The following ZNF316 variants were observed in gnomAD, a reference collection of about 807,000 sequenced individuals.
ZNF316 encodes zinc finger protein 316.
A neutral mutation model predicts 75.6 loss-of-function variants in ZNF316; 23 were observed. The observed-to-expected ratio is 0.30, with a 90% confidence interval of 0.22 to 0.43. The LOEUF (loss-of-function observed/expected upper bound fraction) is 0.43. Ranked by LOEUF, ZNF316 falls within the 20% of genes least tolerant of loss-of-function variation. The pLI, the probability that ZNF316 is intolerant of heterozygous loss-of-function variation, is 1.00. For missense variants in ZNF316, 1,266 were observed against 1,409.4 expected (o/e 0.90, Z 1.63); for synonymous variants, 827 against 666.2 (o/e 1.24, Z -3.72).
At position 6,643,709 on chromosome 7, in the gene ZNF316, C is replaced by A. The variant is rs1282016058; in HGVS notation, c.466-113C>A. 3 of 996,392 alleles carry A rather than the reference C, an allele frequency of 3.0e-6. No homozygotes were observed. In the African/African-American group the frequency reaches 5.1e-5, roughly 17 times the overall value. The allele number at this position is 996,392 out of a possible 1,614,324, so 61.7% of individuals were successfully genotyped here. On this transcript the variant is annotated intron_variant, in intron 6 of 8. Transcript: ENST00000382252. ...AAGGCCTGAAAGCCCTCAGTGCCATCTGGGCATCTGTGTCCCCTGACACCC... is the reference window on the plus strand; with the variant it reads ...AAGGCCTGAAAGCCCTCAGTGCCATATGGGCATCTGTGTCCCCTGACACCC...
chr7:6,657,311 C>CA lies in ZNF316; in HGVS notation c.*2727dup, dbSNP rs33942632. On this transcript the variant is annotated 3_prime_UTR_variant, in exon 9 of 9. Transcript: ENST00000382252. ...GCCCGGCCAGAGCAACCTAATATTT[C>CA]AAAAAAAAAAAAAAAAAAAAAAAAA... Among the ~76,000 whole-genome samples, 1,914 of 65,178 alleles carry CA rather than the reference C, an allele frequency of 0.029. 158 individuals carry two copies. Among genetic ancestry groups the CA allele is most frequent in the Non-Finnish European group, 0.045 (1,610 of 35,888 alleles). 42.8% of individuals were successfully genotyped at this position (65,178 alleles called of 152,430 possible).
chr7:6,646,153 G>T (rs530583105), intron 8 of ZNF316, among the ~76,000 whole-genome samples: 1 of 152,250 alleles, frequency 6.6e-6, no homozygotes, highest in East Asian at 1.9e-4. Context: ...TTTGGGTGGG[G>T]ACACAGAGCT....
Position 6,652,799 on chromosome 7 carries a change from C to A in ZNF316, c.1203C>A (p.Phe401Leu). ...HQRTHTGEKP[F>L]PCPDCGKRFV... ...GCACGCACACCGGCGAGAAGCCCTT[C>A]CCGTGCCCGGACTGCGGCAAGCGCT... The change falls in exon 9 of 9, where the codon TTC (phenylalanine) becomes TTA (leucine). Residue 401 changes from phenylalanine (F) to leucine (L), a missense_variant. Coordinates refer to ENST00000382252, the MANE Select transcript of ZNF316 (RefSeq NM_001278559.2). The A allele has an allele frequency of 4.7e-6, 6 of 1,272,402 alleles. No homozygotes were observed. Among genetic ancestry groups the A allele is most frequent in the Non-Finnish European group, 5.0e-6 (5 of 1,008,722 alleles). 78.8% of individuals were successfully genotyped at this position (1,272,402 alleles called of 1,614,324 possible). A position where few individuals can be genotyped will look rare whatever the true frequency, so the allele number is the denominator to read the frequency against.
intron 6 of ZNF316, among the ~76,000 whole-genome samples, 190 bp downstream of exon 6, chr7:6,643,263 G>T (rs1031190884): frequency 1.3e-5 from 2 of 152,198 alleles, no homozygotes; most frequent in African/African-American, 4.8e-5. Context: ...CGGGGGTGTG[G>T]TCCTGCTTTC....
At chr7:6,650,329 C>G (rs1463112291) in intron 8 of ZNF316, among the ~76,000 whole-genome samples, 1 of 152,134 alleles carries the variant, frequency 6.6e-6, no homozygotes, top group Non-Finnish European at 1.5e-5. Context: ...GGTGGCAGTT[C>G]GAGGTAGACT....
At chr7:6,638,435 C>T (rs957711998) in intron 2 of ZNF316, among the ~76,000 whole-genome samples, 2 of 152,184 alleles carry the variant, frequency 1.3e-5, no homozygotes, top group Non-Finnish European at 2.9e-5. Context: ...GGGGGCTAGA[C>T]ACAAGCACAC....
Position 6,654,783 on chromosome 7 carries a change from C to T in ZNF316, c.*172C>T, listed in dbSNP as rs1779589145. On this transcript the variant is annotated 3_prime_UTR_variant, in exon 9 of 9. Transcript: ENST00000382252. The stretch of plus-strand genomic sequence containing the variant: ...GTCTCATGCCCGCCGGGTCCGTGTG[C>T]TCAGCCGGAGACGTGGGGGAGCTCT... The T allele has an allele frequency of 1.6e-5, 8 of 508,682 alleles. No homozygotes were observed. Among genetic ancestry groups the T allele is most frequent in the Non-Finnish European group, 2.3e-5 (8 of 354,590 alleles). The allele number at this position is 508,682 out of a possible 1,614,324, so 31.5% of individuals were successfully genotyped here. A position where few individuals can be genotyped will look rare whatever the true frequency, so the allele number is the denominator to read the frequency against.
At position 6,654,838 on chromosome 7, in the gene ZNF316, G is replaced by A. The variant is rs1159635514; in HGVS notation, c.*227G>A. ...AGAAGAGCAGCGCGGAGGCAGCGAGGCCAGGACGTCACCCCCACGGAGACT... is the reference window on the plus strand; with the variant it reads ...AGAAGAGCAGCGCGGAGGCAGCGAGACCAGGACGTCACCCCCACGGAGACT... On this transcript the variant is annotated 3_prime_UTR_variant, in exon 9 of 9. Coordinates refer to ENST00000382252, the MANE Select transcript of ZNF316 (RefSeq NM_001278559.2). 1.9e-5 allele frequency: 6 copies of A among 307,966 alleles called. No homozygotes were observed. The highest frequency in any genetic ancestry group is 2.3e-5 in the Non-Finnish European group (4 of 175,362). 19.1% of individuals were successfully genotyped at this position (307,966 alleles called of 1,614,324 possible).
At position 6,653,701 on chromosome 7, in the gene ZNF316, G is replaced by A; in HGVS notation, c.2105G>A (p.Arg702His). The A allele has an allele frequency of 9.2e-7, 1 of 1,091,552 alleles. No homozygotes were observed. Among genetic ancestry groups the A allele is most frequent in the Non-Finnish European group, 1.1e-6 (1 of 896,522 alleles). The allele number at this position is 1,091,552 out of a possible 1,614,324, so 67.6% of individuals were successfully genotyped here. ...ICSDCGKTFGRRAALAKHQRY... is the reference protein window; with the variant it reads ...ICSDCGKTFGHRAALAKHQRY... ...TCGGACTGCGGCAAGACGTTTGGGC[G>A]CCGGGCCGCGCTGGCCAAGCACCAG... Residue 702 changes from arginine to histidine, a missense_variant, in exon 9 of 9, where the codon CGC (arginine) becomes CAC (histidine). Arg to His is a conservative substitution (Grantham distance 29). This residue lies in a region of ZNF316 where 961 missense variants were observed against 990.9 expected (regional missense o/e 0.97). Transcript: ENST00000382252.
At position 6,657,426 on chromosome 7, in the gene ZNF316, C is replaced by T. The variant is rs1040484809; in HGVS notation, c.*2815C>T. On this transcript the variant is annotated 3_prime_UTR_variant, in exon 9 of 9. Transcript: ENST00000382252. Reference sequence around the variant, plus strand: ...CCTGAGACCAGAAATTCAAGGCCAACCTGGGCAACGTATCAAGACTCCATG... The same window carrying T: ...CCTGAGACCAGAAATTCAAGGCCAATCTGGGCAACGTATCAAGACTCCATG... Among the ~76,000 whole-genome samples, 1 of 151,244 alleles carries T rather than the reference C, an allele frequency of 6.6e-6. No homozygotes were observed. Among genetic ancestry groups the T allele is most frequent in the African/African-American group, 2.4e-5 (1 of 41,132 alleles).
At chr7:6,649,867 C>T (rs1583444970) in intron 8 of ZNF316, among the ~76,000 whole-genome samples, 4 of 152,172 alleles carry the variant, frequency 2.6e-5, no homozygotes, top group African/African-American at 9.7e-5. Flanking sequence ...GGGCTCCCTG[C>T]CTACCTCCCC....
Position 6,655,509 on chromosome 7 carries a change from C to T in ZNF316, c.*898C>T, listed in dbSNP as rs1019901812. 1 of 152,200 alleles carries T rather than the reference C, an allele frequency of 6.6e-6. No homozygotes were observed. Among genetic ancestry groups the T allele is most frequent in the African/African-American group, 2.4e-5 (1 of 41,416 alleles). 9.4% of individuals were successfully genotyped at this position (152,200 alleles called of 1,614,324 possible). On this transcript the variant is annotated 3_prime_UTR_variant, in exon 9 of 9. Transcript: ENST00000382252. ...TACGGGCGCCCGAGGCCCTCGCAGCCCTGAGCCCCAGCTTTCACTTCCCTG... is the reference window on the plus strand; with the variant it reads ...TACGGGCGCCCGAGGCCCTCGCAGCTCTGAGCCCCAGCTTTCACTTCCCTG...
chr7:6,653,081 C>A lies in ZNF316; in HGVS notation c.1485C>A (p.Arg495=). 1 of 1,200,894 alleles carries A rather than the reference C, an allele frequency of 8.3e-7. No homozygotes were observed. The highest frequency in any genetic ancestry group is 1.0e-6 in the Non-Finnish European group (1 of 968,920). 74.4% of individuals were successfully genotyped at this position (1,200,894 alleles called of 1,614,324 possible). A position where few individuals can be genotyped will look rare whatever the true frequency, so the allele number is the denominator to read the frequency against. ...GTCCCGACTGCGGCCAGGCCTTCCG[C>A]CTGCGCGCCGACTTCCAGCGCCACC... ...HCCPDCGQAF[R]LRADFQRHRR... Residue 495 remains arginine, a synonymous_variant, in exon 9 of 9, where the codon CGC becomes CGA. Transcript: ENST00000382252.
chr7:6,637,330 C>T lies in ZNF316; in HGVS notation c.-548C>T, dbSNP rs1779231362. On this transcript the variant is annotated 5_prime_UTR_variant, in exon 1 of 9. Transcript: ENST00000382252. The surrounding 1 kb of genome is among the most constrained non-coding windows in gnomAD (Gnocchi z 6.2). ...GCCGGCCGGCGGTACTTCCGGTGCC[C>T]ACGCGCCGCCGTCGCGCAGCTCCCG... 6.7e-6 allele frequency: 1 copy of T among 150,076 alleles called. No individual in the cohort carries two copies. Among genetic ancestry groups the T allele is most frequent in the African/African-American group, 2.4e-5 (1 of 41,142 alleles). The allele number at this position is 150,076 out of a possible 1,614,324, so 9.3% of individuals were successfully genotyped here.
rs933195325 is a variant in ZNF316, at chr7:6,642,383, C to A, written c.-27C>A. On this transcript the variant is annotated splice_region_variant and 5_prime_UTR_variant, in exon 5 of 9. Coordinates refer to ENST00000382252, the MANE Select transcript of ZNF316 (RefSeq NM_001278559.2). This position sits in a 1 kb window ranked among gnomAD's most constrained non-coding sequence, Gnocchi z 8.1. ...CACTGGCGTCCATCTGCATTTCAGG[C>A]CACGTGGAGGCTCGCTCCCAGGGAG... is the stretch of plus-strand genomic sequence containing the variant. 8 of 1,227,896 alleles carry A rather than the reference C, an allele frequency of 6.5e-6. No individual in the cohort carries two copies. The African/African-American group carries it at 1.2e-4, about 19-fold the overall frequency. 76.1% of individuals were successfully genotyped at this position (1,227,896 alleles called of 1,614,324 possible). A position where few individuals can be genotyped will look rare whatever the true frequency, so the allele number is the denominator to read the frequency against.
rs1779278995 is a variant in ZNF316 at position 6,639,687 on chromosome 7, A to T, written c.-167+546A>T. Among the ~76,000 whole-genome samples, 1 of 152,182 alleles carries T rather than the reference A, an allele frequency of 6.6e-6. No homozygotes were observed. The highest frequency in any genetic ancestry group is 6.5e-5 in the Admixed American group (1 of 15,272). ...TGGTGGCCAGGCAGGAGACAGCTCT[A>T]CTGAGCTTGGCATGGCACCTAGGCC... is the stretch of plus-strand genomic sequence containing the variant. On this transcript the variant is annotated intron_variant, in intron 3 of 8. Coordinates refer to ENST00000382252, the MANE Select transcript of ZNF316 (RefSeq NM_001278559.2). This position sits in a 1 kb window ranked among gnomAD's most constrained non-coding sequence, Gnocchi z 4.2.
rs1779279501 is a variant in ZNF316, at chr7:6,639,717, C to T, written c.-167+576C>T. Among the ~76,000 whole-genome samples, 1 of 152,222 alleles carries T rather than the reference C, an allele frequency of 6.6e-6. No individual in the cohort carries two copies. Among genetic ancestry groups the T allele is most frequent in the Non-Finnish European group, 1.5e-5 (1 of 68,038 alleles). Reference sequence around the variant, plus strand: ...GCTTGGCATGGCACCTAGGCCCAGCCTGAATCTGCGGCCTGAGGCTTGAAA... The same window carrying T: ...GCTTGGCATGGCACCTAGGCCCAGCTTGAATCTGCGGCCTGAGGCTTGAAA... On this transcript the variant is annotated intron_variant, in intron 3 of 8. Coordinates refer to ENST00000382252, the MANE Select transcript of ZNF316 (RefSeq NM_001278559.2). The surrounding 1 kb of genome is among the most constrained non-coding windows in gnomAD (Gnocchi z 4.2).
At chr7:6,647,224 G>A (rs748966487) in intron 8 of ZNF316, among the ~76,000 whole-genome samples, 1 of 152,094 alleles carries the variant, frequency 6.6e-6, no homozygotes, top group Non-Finnish European at 1.5e-5. Flanking sequence ...CCAGTGAGGG[G>A]CAGGCCCAGT....
rs545000369 is a variant in ZNF316, at chr7:6,656,477, G to A, written c.*1866G>A. On this transcript the variant is annotated 3_prime_UTR_variant, in exon 9 of 9. Coordinates refer to ENST00000382252, the MANE Select transcript of ZNF316 (RefSeq NM_001278559.2). The stretch of plus-strand genomic sequence containing the variant: ...CTGTCGCCACTCCTGGGAACCCGTC[G>A]GGGAGGCTCTGCGCGGCCTCAGGTC... The A allele has an allele frequency of 2.0e-5, 3 of 152,196 alleles. No homozygotes were observed. Among genetic ancestry groups the A allele is most frequent in the Non-Finnish European group, 2.9e-5 (2 of 68,044 alleles). The allele number at this position is 152,196 out of a possible 1,614,324, so 9.4% of individuals were successfully genotyped here.
Sources: allele counts gnomAD v4.1 joint callset (sites outside exome capture counted in the v4.1 genomes callset), GRCh38; gene constraint gnomAD v4.1.1; regional missense constraint gnomAD v4.1.1; non-coding constraint Gnocchi (gnomAD v3.1); transcripts MANE v1.5; gene names NCBI Gene and HGNC (gene_info 2026-07-23, HGNC 2026-07-21).